The following ZBTB7C variants were observed in gnomAD, a reference collection of about 807,000 sequenced individuals.
ZBTB7C encodes the protein zinc finger and BTB domain containing 7C, also known as zinc finger and BTB domain-containing protein 7C.
A neutral mutation model predicts 25.7 loss-of-function variants in ZBTB7C; 8 were observed. That is an observed-to-expected ratio of 0.31 (90% confidence interval 0.18 to 0.56). The LOEUF is 0.56. ZBTB7C is among the 20% of genes least tolerant of loss of function. ZBTB7C has a pLI of 0.91. For missense variants in ZBTB7C, 824 were observed against 855.2 expected, an observed-to-expected ratio of 0.96 and a Z score of 0.46; for synonymous variants, 394 against 369.0, an observed-to-expected ratio of 1.07 and a Z score of -0.78.
At position 48,158,658 on chromosome 18, in the gene ZBTB7C, T is replaced by G. The variant is rs1041891758; in HGVS notation, c.-17+27276A>C. Among the ~76,000 whole-genome samples the G allele has an allele frequency of 3.3e-5, 5 of 152,188 alleles. No homozygotes were observed. The East Asian group carries it at 7.7e-4, about 23-fold the overall frequency. On this transcript the variant is annotated intron_variant, in intron 3 of 4. Transcript: ENST00000590800. ...TTCTCCTAGTTCCTAGGCCCTCTTC[T>G]GCAAGACTCCGTTTTTATTATTGAT...
chr18:48,191,331 G>A (rs976356191), intron 2 of ZBTB7C, among the ~76,000 whole-genome samples: 9 of 152,200 alleles, frequency 5.9e-5, no homozygotes, highest in Non-Finnish European at 1.3e-4. Flanking sequence ...CCCTGCCATC[G>A]ACCAGCTGTG....
intron 3 of ZBTB7C, among the ~76,000 whole-genome samples, chr18:48,121,654 C>T (rs568869312): frequency 6.6e-6 from 1 of 152,240 alleles, no homozygotes; most frequent in East Asian, 1.9e-4. Context: ...CAGCAATTCA[C>T]ATGAAGGCTT....
intron 1 of ZBTB7C, among the ~76,000 whole-genome samples, chr18:48,346,941 C>T (rs1422428691): frequency 2.6e-5 from 4 of 151,016 alleles, no homozygotes; most frequent in East Asian, 2.0e-4. Context: ...CGCGCCACCA[C>T]ACCTGGCTAA....
intron 3 of ZBTB7C, chr18:48,150,391 G>A (rs2144885682): frequency 1.3e-5 from 2 of 152,144 alleles, no homozygotes; most frequent in Middle Eastern, 3.4e-3. Flanking sequence ...TGACCAGCCT[G>A]GCCAACATGG....
intron 1 of ZBTB7C, among the ~76,000 whole-genome samples, chr18:48,399,574 A>G (rs2048112486): frequency 6.6e-6 from 1 of 152,156 alleles, no homozygotes; most frequent in South Asian, 2.1e-4. Flanking sequence ...GGGCTCCTCA[A>G]CTGCCTTCTG....
At chr18:48,288,946 A>G (rs890873799) in intron 2 of ZBTB7C, among the ~76,000 whole-genome samples, 5 of 152,306 alleles carry the variant, frequency 3.3e-5, no homozygotes, top group Admixed American at 6.5e-5. Context: ...ACCTGCAAAA[A>G]CCCTAATAAA....
intron 2 of ZBTB7C, among the ~76,000 whole-genome samples, chr18:48,270,086 G>A (rs2044430192): frequency 6.6e-6 from 1 of 152,060 alleles, no homozygotes; most frequent in Non-Finnish European, 1.5e-5. Context: ...AAGGGAGAGA[G>A]AGAGAAGGAA....
chr18:48,241,428 T>C (rs2043520215), intron 2 of ZBTB7C, among the ~76,000 whole-genome samples: 1 of 152,150 alleles, frequency 6.6e-6, no homozygotes, highest in Admixed American at 6.5e-5. Flanking sequence ...ACATGGAACA[T>C]TCTCCAAGAC....
rs560069226 is a variant in ZBTB7C, at chr18:48,078,257, G to A, written c.-16-37134C>T. The stretch of plus-strand genomic sequence containing the variant: ...CCTGTACAAGGGAAAGGATCCTACC[G>A]GGAGAGAGCCCAGGAAAATCCAAAG... On this transcript the variant is annotated intron_variant, in intron 3 of 4. Coordinates refer to ENST00000590800, the MANE Select transcript of ZBTB7C (RefSeq NM_001318841.2). 7.9e-5 allele frequency among the ~76,000 whole-genome samples: 12 copies of A among 152,320 alleles called. No individual in the cohort carries two copies. The East Asian group carries it at 9.6e-4, about 12-fold the overall frequency.
At chr18:48,144,547 T>C (rs1183440950) in intron 3 of ZBTB7C, among the ~76,000 whole-genome samples, 1 of 152,130 alleles carries the variant, frequency 6.6e-6, no homozygotes, top group African/African-American at 2.4e-5. Context: ...GGTTTTGTTA[T>C]GTTACCCAGG....
rs187882409 is a variant in ZBTB7C at position 48,341,307 on chromosome 18, G to A, written c.-303-2909C>T. On this transcript the variant is annotated intron_variant, in intron 1 of 4. Transcript: ENST00000590800. Reference sequence around the variant, plus strand: ...GGATAAGGAGAGGTGGAACTGCCAGGGGCCTGAGGATGTAGCCCTGGCTCG... The same window carrying A: ...GGATAAGGAGAGGTGGAACTGCCAGAGGCCTGAGGATGTAGCCCTGGCTCG... Among the ~76,000 whole-genome samples, 42 of 152,356 alleles carry A rather than the reference G, an allele frequency of 2.8e-4. 1 individual carries two copies. Among genetic ancestry groups the A allele is most frequent in the Admixed American group, 2.4e-3 (36 of 15,308 alleles).
At chr18:48,379,528 GC>G (rs989768555) in intron 1 of ZBTB7C, among the ~76,000 whole-genome samples, 4 of 151,992 alleles carry the variant, frequency 2.6e-5, no homozygotes, top group African/African-American at 7.3e-5. Flanking sequence ...GCTGTGCTTT[GC>G]CTCATAGTGG....
At chr18:48,090,951 C>T (rs1458143327) in intron 3 of ZBTB7C, among the ~76,000 whole-genome samples, 1 of 152,006 alleles carries the variant, frequency 6.6e-6, no homozygotes, top group Non-Finnish European at 1.5e-5. Context: ...AATAGAAATA[C>T]ACTGTGAGCC....
At chr18:48,328,050 C>T (rs112001832) in intron 2 of ZBTB7C, among the ~76,000 whole-genome samples, 20,409 of 151,440 alleles carry the variant, frequency 0.13, 1,596 homozygotes, top group Non-Finnish European at 0.19. Context: ...GGCGTGGTGG[C>T]GGGTGCCTGT....
chr18:48,095,125 T>C (rs1438519998), intron 3 of ZBTB7C, among the ~76,000 whole-genome samples: 3 of 152,128 alleles, frequency 2.0e-5, no homozygotes, highest in Non-Finnish European at 4.4e-5. Context: ...ATATAACAGG[T>C]GATCTTAATA....
At chr18:48,222,968 G>A (rs926864683) in intron 2 of ZBTB7C, among the ~76,000 whole-genome samples, 5 of 152,210 alleles carry the variant, frequency 3.3e-5, no homozygotes, top group South Asian at 2.1e-4. Flanking sequence ...GGAGCTGTGT[G>A]GCCCTGAGCT....
chr18:48,247,881 T>C (rs2043740753), intron 2 of ZBTB7C, among the ~76,000 whole-genome samples: 1 of 152,336 alleles, frequency 6.6e-6, no homozygotes, highest in African/African-American at 2.4e-5. Flanking sequence ...TGATATGTTT[T>C]GGCTGTGTCC....
At chr18:48,266,897 A>T (rs952345840) in intron 2 of ZBTB7C, among the ~76,000 whole-genome samples, 1 of 152,056 alleles carries the variant, frequency 6.6e-6, no homozygotes, top group Non-Finnish European at 1.5e-5. Context: ...ATATTATAAG[A>T]TATGTGTTAT....
At chr18:48,058,489 G>C (rs576708896) in intron 3 of ZBTB7C, among the ~76,000 whole-genome samples, 21 of 152,308 alleles carry the variant, frequency 1.4e-4, no homozygotes, top group African/African-American at 4.6e-4. Context: ...GCATTGGTGC[G>C]TGTTCCTTTG....
Sources: gnomAD v4.1 joint callset for allele counts (sites outside exome capture counted in the v4.1 genomes callset) on GRCh38, gnomAD v4.1.1 for gene constraint, MANE v1.5 for transcripts, NCBI Gene and HGNC (gene_info 2026-07-23, HGNC 2026-07-21) for gene names.